SPOCK1: variants seen among roughly 807,000 people sequenced by gnomAD.
SPOCK1 encodes SPARC (osteonectin), cwcv and kazal like domains proteoglycan 1.
Under a neutral mutation model 55.3 loss-of-function variants are expected in SPOCK1, and 23 were observed. The observed-to-expected ratio is 0.42, with a 90% CI of 0.30 to 0.59. The LOEUF (loss-of-function observed/expected upper bound fraction) is 0.59. Ranked by LOEUF, SPOCK1 falls within the 20% of genes least tolerant of loss-of-function variation. The pLI is 0.22. For synonymous variants in SPOCK1, 226 were observed against 221.0 expected (o/e 1.02, Z -0.20); for missense variants, 499 against 552.5 (o/e 0.90, Z 0.97).
At chr5:137,138,299 G>A (rs1272924464) in intron 4 of SPOCK1, among the ~76,000 whole-genome samples, 1 of 152,102 alleles carries the variant, frequency 6.6e-6, no homozygotes, top group Non-Finnish European at 1.5e-5. Context: ...AAAAGTGTTG[G>A]TGCTTCCAAC....
chr5:137,302,702 A>G (rs1042314671), intron 2 of SPOCK1, among the ~76,000 whole-genome samples: 1 of 152,242 alleles, frequency 6.6e-6, no homozygotes, highest in Non-Finnish European at 1.5e-5. Context: ...ATACACATAC[A>G]TATACGTTAT....
At chr5:137,142,453 T>G (rs932298610) in intron 3 of SPOCK1, among the ~76,000 whole-genome samples, 5 of 152,174 alleles carry the variant, frequency 3.3e-5, no homozygotes, top group African/African-American at 1.2e-4. Context: ...CTGCCGCAGC[T>G]TCAGCAGCTG....
chr5:137,129,892 C>G (rs2905977), intron 4 of SPOCK1, among the ~76,000 whole-genome samples: 2,623 of 152,260 alleles, frequency 0.017, 23 homozygotes, highest in Non-Finnish European at 0.027. Context: ...CTCCCATAAT[C>G]CTAATCTTGT....
chr5:137,325,881 A>G (rs1758066286), intron 2 of SPOCK1, among the ~76,000 whole-genome samples: 1 of 152,206 alleles, frequency 6.6e-6, no homozygotes, highest in Non-Finnish European at 1.5e-5. Flanking sequence ...CCACACAGAC[A>G]TGTGGGAGTA....
intron 4 of SPOCK1, among the ~76,000 whole-genome samples, chr5:137,129,126 G>C (rs1561619744): frequency 6.6e-6 from 1 of 152,308 alleles, no homozygotes; most frequent in South Asian, 2.1e-4. Flanking sequence ...ATGGTCTTCA[G>C]GGTGTTGCAG....
At chr5:137,338,705 G>A (rs905222306) in intron 2 of SPOCK1, among the ~76,000 whole-genome samples, 14 of 151,080 alleles carry the variant, frequency 9.3e-5, no homozygotes, top group African/African-American at 3.2e-4. Flanking sequence ...TTTAATGATC[G>A]CCATTCTAAC....
At chr5:137,300,381 T>C (rs1757566003) in intron 2 of SPOCK1, among the ~76,000 whole-genome samples, 1 of 152,216 alleles carries the variant, frequency 6.6e-6, no homozygotes, top group Non-Finnish European at 1.5e-5. Flanking sequence ...CATCTAATTG[T>C]CTAATAACCA....
chr5:137,392,247 C>T (rs149470402), intron 2 of SPOCK1, among the ~76,000 whole-genome samples: 19 of 152,270 alleles, frequency 1.2e-4, no homozygotes, highest in Admixed American at 3.3e-4. Context: ...CCCAAGTCCA[C>T]GGCTTTACCA....
At chr5:137,349,819 A>T (rs1425808930) in intron 2 of SPOCK1, among the ~76,000 whole-genome samples, 1 of 152,118 alleles carries the variant, frequency 6.6e-6, no homozygotes, top group East Asian at 1.9e-4. Flanking sequence ...TTTCATAAGG[A>T]CACCAGTCGT....
intron 2 of SPOCK1, among the ~76,000 whole-genome samples, chr5:137,404,214 G>T (rs942429820): frequency 5.9e-5 from 9 of 152,146 alleles, no homozygotes; most frequent in Admixed American, 4.6e-4. Context: ...GAAAAAAGCT[G>T]CACGGCAAGT....
In SPOCK1 at chr5:137,181,670, C is replaced by T. The variant is rs76547937; in HGVS notation, c.233-40976G>A. 4.5e-3 allele frequency among the ~76,000 whole-genome samples: 687 copies of T among 152,338 alleles called. 3 individuals are homozygous for T. Among genetic ancestry groups the T allele is most frequent in the African/African-American group, 0.016 (672 of 41,584 alleles). On this transcript the variant is annotated intron_variant, in intron 3 of 10. Transcript: ENST00000394945. ...GAGCTGGAAACAGGGTCCCCACGGG[C>T]GCTAGAAACTTTGGAGCATTAGCTG... is the stretch of plus-strand genomic sequence containing the variant.
intron 5 of SPOCK1, among the ~76,000 whole-genome samples, chr5:137,078,253 G>T (rs1362697880): frequency 2.0e-5 from 3 of 152,170 alleles, no homozygotes; most frequent in Non-Finnish European, 4.4e-5. Flanking sequence ...ATGTTCTGAG[G>T]TGCTGGCACC....
intron 2 of SPOCK1, among the ~76,000 whole-genome samples, chr5:137,486,496 G>A (rs181313286): frequency 2.2e-4 from 33 of 152,224 alleles, no homozygotes; most frequent in Non-Finnish European, 3.5e-4. Flanking sequence ...CCAGGGGACA[G>A]GAATCATGTT....
At chr5:137,436,091 G>A (rs1041239615) in intron 2 of SPOCK1, among the ~76,000 whole-genome samples, 1 of 152,106 alleles carries the variant, frequency 6.6e-6, no homozygotes, top group African/African-American at 2.4e-5. Flanking sequence ...CCAGGAGGTG[G>A]AGGTTGCGGT....
intron 3 of SPOCK1, among the ~76,000 whole-genome samples, chr5:137,146,542 C>T (rs1008200396): frequency 4.6e-5 from 7 of 152,178 alleles, no homozygotes; most frequent in Non-Finnish European, 5.9e-5. Context: ...ACTTAATGGA[C>T]GACTGACAAA....
chr5:137,336,652 A>T (rs921967762), intron 2 of SPOCK1, among the ~76,000 whole-genome samples: 23 of 152,176 alleles, frequency 1.5e-4, no homozygotes, highest in African/African-American at 5.1e-4. Context: ...GAGGTCAGCA[A>T]TCAGGCTGCA....
At chr5:137,190,770 C>A (rs1328777839) in intron 3 of SPOCK1, among the ~76,000 whole-genome samples, 5 of 152,222 alleles carry the variant, frequency 3.3e-5, no homozygotes, top group African/African-American at 7.2e-5. Context: ...GAAAGCTTGA[C>A]AAACCACTTG....
chr5:137,120,570 C>T (rs1753666792), intron 4 of SPOCK1, among the ~76,000 whole-genome samples: 1 of 152,164 alleles, frequency 6.6e-6, no homozygotes, highest in African/African-American at 2.4e-5. Flanking sequence ...TTTCCAAAAA[C>T]ACTGCATGAG....
intron 5 of SPOCK1, among the ~76,000 whole-genome samples, chr5:137,085,417 A>T (rs1328968283): frequency 1.3e-5 from 2 of 152,214 alleles, no homozygotes; most frequent in African/African-American, 4.8e-5. Context: ...CAGTGAGATG[A>T]TCCCACTCAC....
Sources: gnomAD v4.1 joint callset for allele counts (sites outside exome capture counted in the v4.1 genomes callset) on GRCh38, gnomAD v4.1.1 for gene constraint, MANE v1.5 for transcripts, NCBI Gene and HGNC (gene_info 2026-07-23, HGNC 2026-07-21) for gene names.